TET1: variants seen among roughly 807,000 people sequenced by gnomAD.
TET1 encodes the protein tet methylcytosine dioxygenase 1, also known as methylcytosine dioxygenase TET1.
In TET1, 13 loss-of-function variants were observed where a neutral mutation model predicts 148.7. That is an observed-to-expected ratio of 0.09 (90% CI 0.06 to 0.14). The LOEUF is 0.14. Ranked by LOEUF, TET1 falls within the 10% of genes least tolerant of loss-of-function variation. TET1 has a pLI of 1.00. For missense variants in TET1, 2,182 were observed against 2,553.8 expected (o/e 0.85, Z 3.14); for synonymous variants, 907 against 937.2 (o/e 0.97, Z 0.59).
chr10:68,690,914 T>C lies in TET1; in HGVS notation c.5511T>C (p.Ala1837=), dbSNP rs1239455696. 1.2e-6 allele frequency: 2 copies of C among 1,614,160 alleles called. No homozygotes were observed. Among genetic ancestry groups the C allele is most frequent in the Non-Finnish European group, 1.7e-6 (2 of 1,180,036 alleles). ...AAACTTATTCGCTGATGCCATCCGC[T>C]CCTCACCCAGTGAAAGAGGCATCTC... The part of the protein sequence containing the change: ...NTKTYSLMPS[A]PHPVKEASPG... The change falls in exon 12 of 12, where the codon GCT becomes GCC. Residue 1837 remains alanine (A), a synonymous_variant. Transcript: ENST00000373644.
rs12263429 is a variant in TET1, at chr10:68,599,331, A to G, written c.1915-1650A>G. ...CTGGAGCTAGGGCTGTCTTCCCCAG[A>G]TCTGTGCAGCTGTCAAGGTGGCTGT... On this transcript the variant is annotated intron_variant, in intron 2 of 11. Transcript: ENST00000373644. 3.7e-3 allele frequency among the ~76,000 whole-genome samples: 566 copies of G among 152,304 alleles called. 4 individuals carry two copies. Among genetic ancestry groups the G allele is most frequent in the African/African-American group, 0.013 (537 of 41,584 alleles).
At chr10:68,683,048 T>A in intron 10 of TET1, 75 bp downstream of exon 10, 3 of 1,493,712 alleles carry the variant, frequency 2.0e-6, no homozygotes, top group Non-Finnish European at 2.7e-6. Flanking sequence ...ACGTATACTG[T>A]GATGACTATT....
chr10:68,661,415 C>T (rs920105273), intron 6 of TET1, among the ~76,000 whole-genome samples: 17 of 147,534 alleles, frequency 1.2e-4, no homozygotes, highest in Non-Finnish European at 2.5e-4. Context: ...ATTTTAAAAG[C>T]CATTACAATT....
At chr10:68,616,882 T>C (rs1169678577) in intron 3 of TET1, among the ~76,000 whole-genome samples, 2 of 151,212 alleles carry the variant, frequency 1.3e-5, no homozygotes, top group Non-Finnish European at 1.5e-5. Flanking sequence ...TAATTTTTTG[T>C]ATTTTTAGTA....
intron 4 of TET1, among the ~76,000 whole-genome samples, chr10:68,647,373 T>G (rs775709371): frequency 6.6e-6 from 1 of 152,100 alleles, no homozygotes; most frequent in South Asian, 2.1e-4. Context: ...GGAGGCCGAG[T>G]CAGATGGATC....
At chr10:68,598,843 A>G (rs904303988) in intron 2 of TET1, among the ~76,000 whole-genome samples, 2 of 151,926 alleles carry the variant, frequency 1.3e-5, no homozygotes, top group Non-Finnish European at 2.9e-5. Context: ...GGCACCCACC[A>G]TCATGCCCGG....
chr10:68,572,504 A>C lies in TET1; in HGVS notation c.166A>C (p.Arg56=). ...PGKLKQLIQE[R]DVKKKTEPKP... Reference sequence around the variant, plus strand: ...AAAATTAAAGCAATTAATTCAAGAAAGAGATGTTAAGAAAAAAACAGAACC... The same window carrying C: ...AAAATTAAAGCAATTAATTCAAGAACGAGATGTTAAGAAAAAAACAGAACC... Residue 56 remains arginine, a synonymous_variant, in exon 2 of 12, where the codon AGA becomes CGA. Transcript: ENST00000373644. 8 of 1,613,660 alleles carry C rather than the reference A, an allele frequency of 5.0e-6. No individual in the cohort carries two copies. The highest frequency in any genetic ancestry group is 6.8e-6 in the Non-Finnish European group (8 of 1,179,962).
At chr10:68,610,336 G>T (rs1319605572) in intron 3 of TET1, among the ~76,000 whole-genome samples, 1 of 151,618 alleles carries the variant, frequency 6.6e-6, no homozygotes, top group Non-Finnish European at 1.5e-5. Context: ...TGTAATCCCA[G>T]TACTTTGTGA....
chr10:68,589,185 G>T (rs2053892179), intron 2 of TET1, among the ~76,000 whole-genome samples: 1 of 151,944 alleles, frequency 6.6e-6, no homozygotes, highest in South Asian at 2.1e-4. Flanking sequence ...TCATGGTCTG[G>T]TAATTCTTCA....
At chr10:68,669,511 TG>T (rs1404729320) in intron 7 of TET1, among the ~76,000 whole-genome samples, 3 of 135,604 alleles carry the variant, frequency 2.2e-5, no homozygotes, top group Admixed American at 7.7e-5. Context: ...TTGTATTTTT[TG>T]GGGGGGTTTT....
intron 7 of TET1, among the ~76,000 whole-genome samples, chr10:68,669,795 G>A (rs1158039777): frequency 2.0e-5 from 3 of 151,776 alleles, no homozygotes; most frequent in Non-Finnish European, 2.9e-5. Context: ...GATTACAGGC[G>A]CCCGCCACCA....
intron 3 of TET1, chr10:68,632,830 AG>A: frequency 4.1e-6 from 3 of 736,006 alleles, no homozygotes; most frequent in African/African-American, 3.6e-5. Context: ...ATAAAGTTTA[AG>A]TTGTAAAAAA....
rs866927652 is a variant in TET1 at position 68,691,133 on chromosome 10, C to T, written c.5730C>T (p.Leu1910=). 18 of 1,614,188 alleles carry T rather than the reference C, an allele frequency of 1.1e-5. No individual in the cohort carries two copies. Among genetic ancestry groups the T allele is most frequent in the Non-Finnish European group, 1.5e-5 (18 of 1,180,046 alleles). The change falls in exon 12 of 12, where the codon CTC becomes CTT. Residue 1910 remains leucine (L), a synonymous_variant. Transcript: ENST00000373644. This position sits in a 1 kb window ranked among gnomAD's most constrained non-coding sequence, Gnocchi z 4.4. ...CACAGCTTGGCGAAGTGGCTCCTCT[C>T]CCCACCCTGTCTGCTCCTGTGATGG... ...GISQLGEVAP[L]PTLSAPVMEP...
intron 3 of TET1, among the ~76,000 whole-genome samples, chr10:68,631,297 T>C (rs971071811): frequency 6.6e-6 from 1 of 152,210 alleles, no homozygotes; most frequent in Non-Finnish European, 1.5e-5. Flanking sequence ...AACAAAAACC[T>C]AATTGTAGTA....
chr10:68,601,685 A>G (rs1428640979), intron 3 of TET1, among the ~76,000 whole-genome samples: 1 of 152,166 alleles, frequency 6.6e-6, no homozygotes, highest in African/African-American at 2.4e-5. Context: ...CAGTGTTTAG[A>G]AGGGTTAATT....
intron 3 of TET1, among the ~76,000 whole-genome samples, chr10:68,610,143 C>T (rs1243614310): frequency 1.3e-5 from 2 of 151,950 alleles, no homozygotes; most frequent in East Asian, 1.9e-4. Context: ...ATTAGCCAGG[C>T]GTGGTGGCGG....
At chr10:68,650,585 C>G (rs1441357076) in intron 4 of TET1, among the ~76,000 whole-genome samples, 1 of 152,028 alleles carries the variant, frequency 6.6e-6, no homozygotes, top group Non-Finnish European at 1.5e-5. Context: ...GAGCCAAGAT[C>G]TCATCACTGT....
chr10:68,589,825 C>T (rs1564956052), intron 2 of TET1, among the ~76,000 whole-genome samples: 3 of 151,462 alleles, frequency 2.0e-5, no homozygotes, highest in Non-Finnish European at 4.4e-5. Context: ...GCATGCACCA[C>T]CATGCTCACT....
chr10:68,582,096 CTA>C (rs1236065550), intron 2 of TET1, among the ~76,000 whole-genome samples: 2,614 of 148,600 alleles, frequency 0.018, 69 homozygotes, highest in African/African-American at 0.062. Context: ...TTAGATGACA[CTA>C]TTTTTTTTTT....
Sources: allele counts gnomAD v4.1 joint callset (sites outside exome capture counted in the v4.1 genomes callset), GRCh38; gene constraint gnomAD v4.1.1; non-coding constraint Gnocchi (gnomAD v3.1); transcripts MANE v1.5; gene names NCBI Gene and HGNC (gene_info 2026-07-23, HGNC 2026-07-21).